The following ERC2 variants were observed in gnomAD, a reference collection of about 807,000 sequenced individuals.
ERC2 encodes the protein ERC protein 2.
In ERC2, 42 loss-of-function variants were observed where a neutral mutation model predicts 114.8. The observed-to-expected ratio is 0.37, with a 90% CI of 0.29 to 0.47. The LOEUF is 0.47. Ranked by LOEUF, ERC2 falls within the 20% of genes least tolerant of loss-of-function variation. ERC2 has a pLI of 0.99. For synonymous variants in ERC2, 454 were observed against 425.5 expected (o/e 1.07, Z -0.82); for missense variants, 939 against 1,150.7 (o/e 0.82, Z 2.66).
chr3:55,588,967 G>C (rs944627013), intron 17 of ERC2, among the ~76,000 whole-genome samples: 1 of 152,064 alleles, frequency 6.6e-6, no homozygotes, highest in African/African-American at 2.4e-5. Context: ...CAATACAGAG[G>C]GAGGGTAGGG....
At chr3:56,378,072 TG>T (rs1283972001) in intron 2 of ERC2, among the ~76,000 whole-genome samples, 2 of 152,058 alleles carry the variant, frequency 1.3e-5, no homozygotes, top group Non-Finnish European at 2.9e-5. Context: ...ACCTTCCATT[TG>T]GGAACCCAAA....
At chr3:56,288,258 G>C (rs1485760173) in intron 3 of ERC2, among the ~76,000 whole-genome samples, 1 of 152,106 alleles carries the variant, frequency 6.6e-6, no homozygotes, top group Non-Finnish European at 1.5e-5. Flanking sequence ...CACAAATGAT[G>C]ATGATGATAA....
chr3:55,822,058 G>A lies in ERC2; in HGVS notation c.2564+66331C>T, dbSNP rs569276828. Among the ~76,000 whole-genome samples, 13 of 152,290 alleles carry A rather than the reference G, an allele frequency of 8.5e-5. No homozygotes were observed. In the South Asian group the frequency reaches 2.5e-3, roughly 29 times the overall value. On this transcript the variant is annotated intron_variant, in intron 14 of 17. Coordinates refer to ENST00000288221, the MANE Select transcript of ERC2 (RefSeq NM_015576.3). The stretch of plus-strand genomic sequence containing the variant: ...TTTTTTTTTCTTTTTCTGAGAGGGT[G>A]TAAAGGATATTTTCACTGTAAAAGT...
chr3:55,714,692 T>TAC (rs2064001208), intron 15 of ERC2, among the ~76,000 whole-genome samples: 8 of 127,318 alleles, frequency 6.3e-5, no homozygotes, highest in African/African-American at 1.5e-4. Flanking sequence ...TATATATATA[T>TAC]ATATATATAT....
intron 2 of ERC2, among the ~76,000 whole-genome samples, chr3:56,361,327 T>C (rs1332092610): frequency 2.0e-5 from 3 of 152,106 alleles, no homozygotes; most frequent in African/African-American, 7.2e-5. Context: ...GAAGAAAAGA[T>C]GATGTCTGTT....
chr3:56,240,812 A>G (rs188809537), intron 3 of ERC2, among the ~76,000 whole-genome samples: 6 of 152,352 alleles, frequency 3.9e-5, no homozygotes, highest in Non-Finnish European at 5.9e-5. Flanking sequence ...ATGACTTTAC[A>G]AACAACTTTC....
intron 7 of ERC2, among the ~76,000 whole-genome samples, chr3:56,072,817 G>T (rs1313892812): frequency 6.6e-6 from 1 of 152,144 alleles, no homozygotes; most frequent in African/African-American, 2.4e-5. Context: ...TATCTGCTGG[G>T]TGGGCTATCT....
At chr3:55,556,454 A>C (rs1279213352) in intron 17 of ERC2, among the ~76,000 whole-genome samples, 1 of 152,120 alleles carries the variant, frequency 6.6e-6, no homozygotes, top group Non-Finnish European at 1.5e-5. Flanking sequence ...TCTGTCCAGA[A>C]GCTCCCACCA....
At chr3:56,323,411 C>T (rs1170403744) in intron 2 of ERC2, among the ~76,000 whole-genome samples, 1 of 152,076 alleles carries the variant, frequency 6.6e-6, no homozygotes, top group Non-Finnish European at 1.5e-5. Context: ...AGGGAAGAGG[C>T]CCAGACAAAT....
intron 7 of ERC2, among the ~76,000 whole-genome samples, chr3:56,049,051 AGG>A (rs1263312643): frequency 6.6e-6 from 1 of 152,144 alleles, no homozygotes. Context: ...AAATGGCCAA[AGG>A]GGGGCAGGCA....
intron 1 of ERC2, among the ~76,000 whole-genome samples, chr3:56,450,719 TA>T (rs755213512): frequency 1.3e-5 from 2 of 152,060 alleles, no homozygotes; most frequent in Non-Finnish European, 2.9e-5. Flanking sequence ...TAGTCCTAGC[TA>T]CTTGGGAGGC....
chr3:55,815,495 G>A (rs1237198817), intron 14 of ERC2, among the ~76,000 whole-genome samples: 1 of 152,178 alleles, frequency 6.6e-6, no homozygotes, highest in Non-Finnish European at 1.5e-5. Context: ...GAGCGGCCAC[G>A]TGGAAAACAC....
chr3:55,991,690 G>A lies in ERC2; in HGVS notation c.2255+367C>T, dbSNP rs548855051. 2.0e-5 allele frequency among the ~76,000 whole-genome samples: 3 copies of A among 152,220 alleles called. No individual in the cohort carries two copies. The East Asian group carries it at 5.8e-4, about 29-fold the overall frequency. On this transcript the variant is annotated intron_variant, in intron 11 of 17. Transcript: ENST00000288221. Reference sequence around the variant, plus strand: ...TGGTGTTGGTGGTGGTGTTGTTGTTGTTTGATCAAGACAAAACTAAACCAC... The same window carrying A: ...TGGTGTTGGTGGTGGTGTTGTTGTTATTTGATCAAGACAAAACTAAACCAC...
At position 55,922,390 on chromosome 3, in the gene ERC2, C is replaced by T. The variant is rs2065479747; in HGVS notation, c.2403+28035G>A. Among the ~76,000 whole-genome samples, 3 of 151,748 alleles carry T rather than the reference C, an allele frequency of 2.0e-5. No homozygotes were observed. The South Asian group carries it at 6.2e-4, about 32-fold the overall frequency. On this transcript the variant is annotated intron_variant, in intron 13 of 17. Transcript: ENST00000288221. ...ACTTGTGGGTTTTGAGGCTTTGGAG[C>T]CTTGCAAGGGGCTTATTTTAAACAG...
At chr3:55,967,778 T>A (rs935754027) in intron 12 of ERC2, among the ~76,000 whole-genome samples, 1 of 152,180 alleles carries the variant, frequency 6.6e-6, no homozygotes, top group Admixed American at 6.5e-5. Flanking sequence ...ATTAATGCTG[T>A]TGTCCTGGGA....
intron 2 of ERC2, among the ~76,000 whole-genome samples, chr3:56,306,748 T>C (rs1302861034): frequency 4.6e-5 from 7 of 152,326 alleles, no homozygotes; most frequent in South Asian, 2.1e-4. Context: ...AGGAGTATAA[T>C]ATAGTGTGTA....
At position 56,018,975 on chromosome 3, in the gene ERC2, T is replaced by C. The variant is rs186990917; in HGVS notation, c.1698A>G (p.Lys566=). The C allele has an allele frequency of 6.2e-7, 1 of 1,613,252 alleles. No homozygotes were observed. The highest frequency in any genetic ancestry group is 2.2e-5 in the East Asian group (1 of 44,814). ...RDKDKQLTNL[K]DRVKSLQTDS... ...CCGTCTGCAAGGACTTCACTCTGTC[T>C]TTCAGGTTGGTCAGTTGCTTGTCTT... Residue 566 remains lysine (K), a synonymous_variant, in exon 8 of 18, where the codon AAA becomes AAG. Transcript: ENST00000288221.
In ERC2 at chr3:55,773,171, C is replaced by T. The variant is rs115785677; in HGVS notation, c.2565-38253G>A. On this transcript the variant is annotated intron_variant, in intron 14 of 17. Transcript: ENST00000288221. ...AAAGTCATCCCAATGGCTATCAGTC[C>T]CGTGTGACCTGGCTCCTAATTACTT... 7.7e-3 allele frequency among the ~76,000 whole-genome samples: 1,173 copies of T among 152,314 alleles called. 15 individuals are homozygous for T. The highest frequency in any genetic ancestry group is 0.027 in the African/African-American group (1,119 of 41,564).
At position 55,888,301 on chromosome 3, in the gene ERC2, C is replaced by A. The variant is rs1162419066; in HGVS notation, c.2564+88G>T. On this transcript the variant is annotated intron_variant, in intron 14 of 17. Transcript: ENST00000288221. ...AGCTAAATTATTCTTTTTCTGAGCT[C>A]TTTCTTCATCTTCTCTAGCCCTTCC... 2.1e-6 allele frequency: 3 copies of A among 1,432,902 alleles called. No individual in the cohort carries two copies. In the African/African-American group the frequency reaches 4.3e-5, roughly 20 times the overall value. 88.8% of individuals were successfully genotyped at this position (1,432,902 alleles called of 1,614,324 possible).
Sources: gnomAD v4.1 joint callset for allele counts (sites outside exome capture counted in the v4.1 genomes callset) on GRCh38, gnomAD v4.1.1 for gene constraint, MANE v1.5 for transcripts, NCBI Gene and HGNC (gene_info 2026-07-23, HGNC 2026-07-21) for gene names.